Variants in GPR89B observed in about 807,000 individuals in gnomAD.
GPR89B encodes the protein G protein-coupled receptor 89B.
A neutral mutation model predicts 52.4 loss-of-function variants in GPR89B; 25 were observed. The ratio of observed to expected loss-of-function variants is 0.48; its 90% CI spans 0.35 to 0.67. The LOEUF (loss-of-function observed/expected upper bound fraction) is 0.67, where lower values mean the gene tolerates loss of function less well. GPR89B is among the 30% of genes least tolerant of loss of function. GPR89B has a pLI of 0.01. For synonymous variants in GPR89B, 52 were observed against 151.2 expected (o/e 0.34, Z 4.81); for missense variants, 146 against 450.2 (o/e 0.32, Z 6.11).
chr1:147,992,611 C>G, intron 13 of GPR89B, 44 bp downstream of exon 13: 2 of 1,611,216 alleles, frequency 1.2e-6, no homozygotes, highest in Non-Finnish European at 1.7e-6. Context: ...TGTAAAATAT[C>G]AGAAATGTGC....
At chr1:148,002,969 G>A in the GPR89B span, among the ~76,000 whole-genome samples, 25 of 152,236 alleles carry the variant, frequency 1.6e-4, no homozygotes, top group African/African-American at 4.6e-4. Context: ...TTACTCTAAC[G>A]TTGAATTATC....
At chr1:147,984,667 TG>T (rs1467918098) in intron 10 of GPR89B, among the ~76,000 whole-genome samples, 9 of 149,972 alleles carry the variant, frequency 6.0e-5, no homozygotes, top group Non-Finnish European at 3.0e-5. Context: ...ATACATTTCT[TG>T]CTATGTACTG....
chr1:147,949,740 G>A (rs1553250565), intron 5 of GPR89B, among the ~76,000 whole-genome samples: 1 of 142,368 alleles, frequency 7.0e-6, no homozygotes, highest in South Asian at 2.2e-4. Flanking sequence ...TTCCCAGTAG[G>A]GGCAGCCGGG....
chr1:148,022,089 G>A, the GPR89B span: 2 of 151,046 alleles, frequency 1.3e-5, no homozygotes, highest in Non-Finnish European at 2.9e-5. Flanking sequence ...CTCTGCTGTC[G>A]GTGAACATTA....
At chr1:147,944,130 G>C (rs1366532381) in intron 5 of GPR89B, 32 bp downstream of exon 5, 9 of 1,593,786 alleles carry the variant, frequency 5.6e-6, no homozygotes, top group Non-Finnish European at 7.7e-6. Flanking sequence ...GAGGAAGTGG[G>C]GGGAGAAGAT....
In GPR89B at chr1:147,961,968, G is replaced by C. The variant is rs1335720151; in HGVS notation, c.618-4586G>C. On this transcript the variant is annotated intron_variant, in intron 7 of 13. Coordinates refer to ENST00000314163, the MANE Select transcript of GPR89B (RefSeq NM_016334.5). ...TATACACAAAATTATTCTAAAATTT[G>C]TACAGAAAGGCAAAATAACTAGAAT... Among the ~76,000 whole-genome samples, 4 of 151,926 alleles carry C rather than the reference G, an allele frequency of 2.6e-5. No individual in the cohort carries two copies. In the East Asian group the frequency reaches 7.7e-4, roughly 29 times the overall value.
the GPR89B span, among the ~76,000 whole-genome samples, chr1:147,999,027 T>TA: frequency 6.6e-6 from 1 of 152,026 alleles, no homozygotes; most frequent in Non-Finnish European, 1.5e-5. Flanking sequence ...CTACAGGTCT[T>TA]ACTTTGGAGA....
intron 7 of GPR89B, among the ~76,000 whole-genome samples, chr1:147,962,652 T>G (rs1656682325): frequency 1.3e-5 from 2 of 151,858 alleles, no homozygotes; most frequent in African/African-American, 4.9e-5. Flanking sequence ...ATCCCAGCAC[T>G]TTGGGAAGCC....
At chr1:147,997,972 T>C (rs1375575108), downstream of GPR89B, among the ~76,000 whole-genome samples, 4 of 152,188 alleles carry the variant, frequency 2.6e-5, no homozygotes, top group Admixed American at 2.0e-4. Flanking sequence ...CTCCAACATC[T>C]TTAAATACTC....
the GPR89B span, among the ~76,000 whole-genome samples, chr1:148,007,355 G>T: frequency 6.6e-6 from 1 of 152,078 alleles, no homozygotes; most frequent in Non-Finnish European, 1.5e-5. Context: ...GATTACAGGC[G>T]TGAGCCACTG....
chr1:148,013,993 C>T, the GPR89B span, among the ~76,000 whole-genome samples: 86 of 151,560 alleles, frequency 5.7e-4, 3 homozygotes, highest in African/African-American at 2.0e-3. Flanking sequence ...GGAAGGGGTG[C>T]CTCCCTCCAT....
Position 147,969,874 on chromosome 1 carries a change from T to C in GPR89B, c.824T>C (p.Ile275Thr). The C allele has an allele frequency of 6.8e-7, 1 of 1,475,242 alleles. No individual in the cohort carries two copies. The highest frequency in any genetic ancestry group is 2.5e-5 in the East Asian group (1 of 40,468). 91.4% of individuals were successfully genotyped at this position (1,475,242 alleles called of 1,614,324 possible). Residue 275 changes from isoleucine (I) to threonine (T), a missense_variant, in exon 10 of 14, where the codon ATA (isoleucine) becomes ACA (threonine). Coordinates refer to ENST00000314163, the MANE Select transcript of GPR89B (RefSeq NM_016334.5). ...GTGTTTGTTTTCCCCCAGGAGAGAA[T>C]AGAATACTCCAAAACCTTCAAGGGG... Reference protein sequence around the residue: ...TADLYATKERIEYSKTFKGKY... With the variant: ...TADLYATKERTEYSKTFKGKY...
downstream of GPR89B, chr1:147,995,531 A>G (rs1659296266): frequency 6.5e-7 from 1 of 1,533,246 alleles, no homozygotes; most frequent in Non-Finnish European, 9.0e-7. Context: ...CATTAAATAT[A>G]CTCATAGGGA....
At position 147,928,561 on chromosome 1, in the gene GPR89B, A is replaced by G; in HGVS notation, c.25A>G (p.Ile9Val). Reference protein sequence around the residue: MSFLIDSSIMITSQILFFG... With the variant: MSFLIDSSVMITSQILFFG... ...CATGAGTTTCCTGATCGACTCCAGC[A>G]TCATGATTACCTCCCAGGTGAGTCA... Residue 9 changes from isoleucine to valine, a missense_variant, in exon 1 of 14, where the codon ATC becomes GTC. Coordinates refer to ENST00000314163, the MANE Select transcript of GPR89B (RefSeq NM_016334.5). 2 of 1,613,930 alleles carry G rather than the reference A, an allele frequency of 1.2e-6. No homozygotes were observed. Among genetic ancestry groups the G allele is most frequent in the Non-Finnish European group, 8.5e-7 (1 of 1,179,810 alleles).
At chr1:147,952,777 G>T (rs1272095072) in intron 5 of GPR89B, among the ~76,000 whole-genome samples, 4 of 150,960 alleles carry the variant, frequency 2.6e-5, no homozygotes, top group Non-Finnish European at 5.9e-5. Flanking sequence ...TGATAATTAG[G>T]ATACAATTTA....
At position 147,943,562 on chromosome 1, in the gene GPR89B, TCAGTCAG is replaced by T. The variant is rs782630398; in HGVS notation, c.313+20_313+26del. ...CCGACTACGTAAGTATTTTACCCTCTCAGTCAGCGTATAGATTGAGATGAGTATTTGA... is the reference window on the plus strand; with the variant it reads ...CCGACTACGTAAGTATTTTACCCTCTCGTATAGATTGAGATGAGTATTTGA... On this transcript the variant is annotated intron_variant, in intron 4 of 13. Transcript: ENST00000314163. The T allele has an allele frequency of 7.4e-6, 12 of 1,613,248 alleles. No homozygotes were observed. In the South Asian group the frequency reaches 1.3e-4, roughly 18 times the overall value.
chr1:147,952,270 G>A (rs1473870031), intron 5 of GPR89B, among the ~76,000 whole-genome samples: 21 of 152,006 alleles, frequency 1.4e-4, no homozygotes, highest in African/African-American at 4.8e-4. Context: ...CATGGGCACA[G>A]GGAAGGCAGA....
chr1:148,000,044 G>A, the GPR89B span, among the ~76,000 whole-genome samples: 7 of 152,260 alleles, frequency 4.6e-5, no homozygotes, highest in Admixed American at 2.6e-4. Context: ...CAACCACTTG[G>A]ACTATCAAGT....
chr1:147,962,755 C>A (rs1489888162), intron 7 of GPR89B, among the ~76,000 whole-genome samples: 2 of 151,018 alleles, frequency 1.3e-5, no homozygotes, highest in Non-Finnish European at 2.9e-5. Context: ...AAAATTAGCC[C>A]GGTGTGGTGG....
Sources: allele counts gnomAD v4.1 joint callset (sites outside exome capture counted in the v4.1 genomes callset), GRCh38; gene constraint gnomAD v4.1.1; transcripts MANE v1.5; gene names NCBI Gene and HGNC (gene_info 2026-07-23, HGNC 2026-07-21).